MAGI2: variants seen among roughly 807,000 people sequenced by gnomAD.
MAGI2 encodes the protein membrane-associated guanylate kinase, WW and PDZ domain-containing protein 2.
In MAGI2, 35 loss-of-function variants were observed where a neutral mutation model predicts 133.3. The ratio of observed to expected loss-of-function variants is 0.26; its 90% CI spans 0.20 to 0.35. MAGI2 has a LOEUF of 0.35. Ranked by LOEUF, MAGI2 falls within the 10% of genes least tolerant of loss-of-function variation. MAGI2 has a pLI of 1.00. For missense variants in MAGI2, 1,636 were observed against 1,863.4 expected, an observed-to-expected ratio of 0.88 and a Z score of 2.25; for synonymous variants, 729 against 710.6, an observed-to-expected ratio of 1.03 and a Z score of -0.41.
chr7:78,974,310 A>G (rs926071940), intron 2 of MAGI2, among the ~76,000 whole-genome samples: 8 of 151,842 alleles, frequency 5.3e-5, no homozygotes, highest in Non-Finnish European at 1.2e-4. Context: ...GCCAGTTAGA[A>G]TAATTTTTTC....
At chr7:78,196,411 T>C (rs1427999711) in intron 11 of MAGI2, among the ~76,000 whole-genome samples, 2 of 152,164 alleles carry the variant, frequency 1.3e-5, no homozygotes, top group Admixed American at 1.3e-4. Flanking sequence ...GTACATTTAG[T>C]GAGTGAATAA....
intron 1 of MAGI2, among the ~76,000 whole-genome samples, chr7:79,336,892 A>G (rs1448560460): frequency 2.0e-5 from 3 of 152,106 alleles, no homozygotes; most frequent in East Asian, 3.9e-4. Context: ...GCAGATATGT[A>G]GAATGAACAA....
intron 6 of MAGI2, among the ~76,000 whole-genome samples, chr7:78,409,570 T>G (rs1797687312): frequency 1.3e-5 from 2 of 152,126 alleles, no homozygotes; most frequent in African/African-American, 4.8e-5. Context: ...CATTTACTCT[T>G]GAACAAAGAC....
At chr7:78,729,724 C>G (rs1031112705) in intron 2 of MAGI2, among the ~76,000 whole-genome samples, 1 of 152,134 alleles carries the variant, frequency 6.6e-6, no homozygotes, top group Non-Finnish European at 1.5e-5. Context: ...AGTGTTTGAG[C>G]CATAGGACTC....
chr7:79,449,897 T>TATATATATATATATATATATAA (rs1491494586), intron 1 of MAGI2, among the ~76,000 whole-genome samples: 2,355 of 131,648 alleles, frequency 0.018, 56 homozygotes, highest in Non-Finnish European at 0.027. Context: ...TATATATATA[T>TATATATATATATATATATATAA]AATGTCTTAA....
chr7:79,114,612 A>G (rs1172038088), intron 1 of MAGI2, among the ~76,000 whole-genome samples: 1 of 152,146 alleles, frequency 6.6e-6, no homozygotes, highest in African/African-American at 2.4e-5. Flanking sequence ...AAATCTACCA[A>G]CATTCTGTAA....
intron 2 of MAGI2, among the ~76,000 whole-genome samples, chr7:78,914,911 T>C (rs958082910): frequency 6.6e-6 from 1 of 152,146 alleles, no homozygotes; most frequent in African/African-American, 2.4e-5. Context: ...ATCATGTTAA[T>C]GAGATAATTT....
chr7:78,021,659 A>G (rs1808406620), intron 21 of MAGI2, among the ~76,000 whole-genome samples: 4 of 152,238 alleles, frequency 2.6e-5, no homozygotes, highest in Admixed American at 1.3e-4. Flanking sequence ...TTCGAATGGA[A>G]CATTTTGGGC....
intron 2 of MAGI2, among the ~76,000 whole-genome samples, chr7:78,971,738 A>G (rs1025123449): frequency 6.6e-6 from 1 of 151,964 alleles, no homozygotes; most frequent in Non-Finnish European, 1.5e-5. Context: ...TGACTTTGCT[A>G]TTTACAAACT....
At chr7:79,237,454 C>T (rs1832028518) in intron 1 of MAGI2, among the ~76,000 whole-genome samples, 1 of 152,168 alleles carries the variant, frequency 6.6e-6, no homozygotes, top group East Asian at 1.9e-4. Context: ...CGTCGCGCCA[C>T]TGAAAAAGTT....
At chr7:78,692,458 TTAG>T (rs1253480157) in intron 2 of MAGI2, among the ~76,000 whole-genome samples, 1 of 151,992 alleles carries the variant, frequency 6.6e-6, no homozygotes, top group Non-Finnish European at 1.5e-5. Flanking sequence ...AAGGCATGGG[TTAG>T]TGGTCTGGAA....
chr7:78,145,615 C>T (rs778831997), intron 16 of MAGI2, among the ~76,000 whole-genome samples: 55 of 152,264 alleles, frequency 3.6e-4, no homozygotes, highest in African/African-American at 1.3e-3. Flanking sequence ...TCTTTTGGCC[C>T]TTCCTCCTTT....
intron 1 of MAGI2, among the ~76,000 whole-genome samples, chr7:79,378,475 T>C (rs866711989): frequency 2.0e-5 from 3 of 151,530 alleles, no homozygotes; most frequent in Admixed American, 6.6e-5. Context: ...AGCTCCTGTA[T>C]GACTACAGGA....
At chr7:78,811,404 G>A (rs1432742622) in intron 2 of MAGI2, among the ~76,000 whole-genome samples, 2 of 151,800 alleles carry the variant, frequency 1.3e-5, no homozygotes, top group East Asian at 1.9e-4. Flanking sequence ...TGATTGATGT[G>A]TATATTAATA....
intron 2 of MAGI2, among the ~76,000 whole-genome samples, chr7:78,979,210 G>A (rs1804568481): frequency 6.6e-6 from 1 of 151,734 alleles, no homozygotes; most frequent in East Asian, 2.0e-4. Context: ...CATACCAAGT[G>A]CCCAGGTTTT....
intron 2 of MAGI2, among the ~76,000 whole-genome samples, chr7:78,902,281 A>C (rs1200729717): frequency 6.6e-6 from 1 of 152,220 alleles, no homozygotes; most frequent in Admixed American, 6.5e-5. Flanking sequence ...TAGAAAGAGA[A>C]TATGAATACT....
At chr7:78,034,806 G>C (rs1389714942) in intron 21 of MAGI2, 3 of 152,212 alleles carry the variant, frequency 2.0e-5, no homozygotes, top group Non-Finnish European at 4.4e-5. Flanking sequence ...GGGATTACAG[G>C]CATGAGCCAC....
At chr7:78,488,548 G>A (rs967698828) in intron 6 of MAGI2, among the ~76,000 whole-genome samples, 40 of 68,698 alleles carry the variant, frequency 5.8e-4, no homozygotes, top group South Asian at 4.2e-4. Flanking sequence ...TTTGTAACAC[G>A]TTTCATTGGT....
rs73703617 is a variant in MAGI2, at chr7:79,057,437, A to G, written c.302-50231T>C. 4.6e-3 allele frequency among the ~76,000 whole-genome samples: 695 copies of G among 152,308 alleles called. 4 individuals carry two copies. The highest frequency in any genetic ancestry group is 0.016 in the African/African-American group (655 of 41,560). On this transcript the variant is annotated intron_variant, in intron 1 of 21. Coordinates refer to ENST00000354212, the MANE Select transcript of MAGI2 (RefSeq NM_012301.4). ...ATTAATGTACAAATTGAGCAAATAC[A>G]TTTTAGAAACTGCCTTTATTCTGAA... is the stretch of plus-strand genomic sequence containing the variant.
Sources: allele counts gnomAD v4.1 joint callset (sites outside exome capture counted in the v4.1 genomes callset), GRCh38; gene constraint gnomAD v4.1.1; transcripts MANE v1.5; gene names NCBI Gene and HGNC (gene_info 2026-07-23, HGNC 2026-07-21).